MKS1: variants seen among roughly 807,000 people sequenced by gnomAD.
The protein encoded by MKS1 is MKS transition zone complex subunit 1, also known as tectonic-like complex member MKS1.
In MKS1, 70 loss-of-function variants were observed where a neutral mutation model predicts 83.7. The observed-to-expected ratio is 0.84, with a 90% CI of 0.69 to 1.02. MKS1 has a LOEUF of 1.02. Among genes scored for constraint, MKS1 ranks in the 50% least tolerant of loss-of-function variants. The pLI is 0.00. For synonymous variants in MKS1, 251 were observed against 273.4 expected, an observed-to-expected ratio of 0.92 and a Z score of 0.81; for missense variants, 681 against 726.9, an observed-to-expected ratio of 0.94 and a Z score of 0.73.
chr17:58,208,977 TG>T (rs1177413650), intron 11 of MKS1, among the ~76,000 whole-genome samples: 1 of 152,184 alleles, frequency 6.6e-6, no homozygotes. Flanking sequence ...AGCACGGGGT[TG>T]GGGGTAAGGT....
In MKS1 at chr17:58,216,184, G is replaced by C. The variant is rs1168199157; in HGVS notation, c.321C>G (p.Tyr107Ter). Residue 107 changes from tyrosine to a stop codon, truncating the protein, a stop_gained, in exon 4 of 18, where the codon TAC (tyrosine) becomes TAG (stop). Coordinates refer to ENST00000393119, the MANE Select transcript of MKS1 (RefSeq NM_017777.4). LOFTEE classifies it high-confidence loss of function. ...TCTCCAGCTTCAGGATCTCCTGACGGTACTGATAATCCAAAGGACTCTGAC... is the reference window on the plus strand; with the variant it reads ...TCTCCAGCTTCAGGATCTCCTGACGCTACTGATAATCCAAAGGACTCTGAC... ...TACQSPLDYQ[Y>*]RQEILKLENS... is the part of the protein sequence containing the mutation. 10 of 1,613,848 alleles carry C rather than the reference G, an allele frequency of 6.2e-6. No individual in the cohort carries two copies. Among genetic ancestry groups the C allele is most frequent in the Non-Finnish European group, 8.5e-6 (10 of 1,179,876 alleles).
intron 2 of MKS1, 133 bp downstream of exon 2, chr17:58,218,487 A>G (rs1470545847): frequency 9.4e-6 from 5 of 532,128 alleles, no homozygotes; most frequent in Non-Finnish European, 1.4e-5. Flanking sequence ...AAAAGCCACA[A>G]ATAGAATGTA....
At chr17:58,208,483 C>T (rs201645187) in intron 12 of MKS1, 30 bp downstream of exon 12, 3 of 1,610,452 alleles carry the variant, frequency 1.9e-6, no homozygotes, top group Non-Finnish European at 2.5e-6. Flanking sequence ...ATCTCATTCC[C>T]TTCCAGATAC....
chr17:58,208,061 C>T (rs1421076081), intron 13 of MKS1, 44 bp downstream of exon 13: 2 of 1,608,038 alleles, frequency 1.2e-6, no homozygotes, highest in Non-Finnish European at 8.5e-7. Flanking sequence ...GACAGCACTG[C>T]TTGAGGGGAA....
chr17:58,215,615 A>G (rs552243128), intron 4 of MKS1: 1 of 185,554 alleles, frequency 5.4e-6, no homozygotes, highest in East Asian at 1.3e-4. Context: ...AAGAAAATGT[A>G]AAACAAGGTC....
chr17:58,207,037 C>T (rs1217566629), intron 15 of MKS1, 48 bp downstream of exon 15: 16 of 1,613,546 alleles, frequency 9.9e-6, no homozygotes, highest in Non-Finnish European at 1.4e-5. Flanking sequence ...TACAGAAGGA[C>T]AGGACCATAA....
Position 58,214,455 on chromosome 17 carries a change from T to G in MKS1, c.516-68A>C. On this transcript the variant is annotated intron_variant, in intron 5 of 17. Coordinates refer to ENST00000393119, the MANE Select transcript of MKS1 (RefSeq NM_017777.4). ...ATGGAGCACCCCAGTGGAGAGCCACTTCAGAATGGGAAGTTTGAGCTAGTG... is the reference window on the plus strand; with the variant it reads ...ATGGAGCACCCCAGTGGAGAGCCACGTCAGAATGGGAAGTTTGAGCTAGTG... 2.5e-6 allele frequency: 4 copies of G among 1,609,844 alleles called. No individual in the cohort carries two copies. In the South Asian group the frequency reaches 4.4e-5, roughly 18 times the overall value.
chr17:58,206,618 C>A, intron 15 of MKS1, 71 bp from the exon 16 acceptor site: 1 of 1,419,168 alleles, frequency 7.0e-7, no homozygotes, highest in East Asian at 2.3e-5. Context: ...GCTGGCCTCA[C>A]CCCCATTCTT....
intron 10 of MKS1, 29 bp from the exon 11 acceptor site, chr17:58,210,753 G>A (rs1367174477): frequency 6.2e-7 from 1 of 1,609,748 alleles, no homozygotes; most frequent in Non-Finnish European, 8.5e-7. Context: ...AGCTATTTTA[G>A]CTTTTTCTCC....
At chr17:58,208,240 G>T in intron 12 of MKS1, 66 bp from the exon 13 acceptor site, 1 of 1,411,518 alleles carries the variant, frequency 7.1e-7, no homozygotes, top group Non-Finnish European at 1.0e-6. Flanking sequence ...TGTGGCCAAT[G>T]ACAAGGTTAT....
At chr17:58,218,341 G>C (rs1349897111) in intron 2 of MKS1, among the ~76,000 whole-genome samples, 2 of 151,008 alleles carry the variant, frequency 1.3e-5, no homozygotes, top group Admixed American at 6.6e-5. Flanking sequence ...CCAGCTACTC[G>C]GGAGGCTGAG....
rs1284426490 is a variant in MKS1 at position 58,219,239 on chromosome 17, C to A, written c.-9G>T. The A allele has an allele frequency of 6.5e-7, 1 of 1,549,884 alleles. No homozygotes were observed. The highest frequency in any genetic ancestry group is 2.4e-5 in the East Asian group (1 of 40,924). On this transcript the variant is annotated 5_prime_UTR_variant, in exon 1 of 18. Coordinates refer to ENST00000393119, the MANE Select transcript of MKS1 (RefSeq NM_017777.4). ...CAGACGGTCTCCGCCATGACAGCTG[C>A]GACGCGCCGCGACTGCGCCGGAAAG... is the stretch of plus-strand genomic sequence containing the variant.
intron 9 of MKS1, 127 bp from the exon 10 acceptor site, chr17:58,211,149 C>G: frequency 1.2e-6 from 1 of 831,798 alleles, no homozygotes; most frequent in Non-Finnish European, 2.0e-6. Flanking sequence ...CACTACTGCA[C>G]TTTCTCCCCA....
At chr17:58,217,979 C>G (rs1969324791) in intron 2 of MKS1, among the ~76,000 whole-genome samples, 1 of 152,218 alleles carries the variant, frequency 6.6e-6, no homozygotes, top group Non-Finnish European at 1.5e-5. Flanking sequence ...ACAACAACCA[C>G]TCTGTCCTCT....
chr17:58,214,280 G>T lies in MKS1; in HGVS notation c.623C>A (p.Ala208Glu). 1.2e-6 allele frequency: 2 copies of T among 1,614,146 alleles called. No individual in the cohort carries two copies. ...NTPLQTMHIMADLGPYKKLGY... is the reference protein window; with the variant it reads ...NTPLQTMHIMEDLGPYKKLGY... The stretch of plus-strand genomic sequence containing the variant: ...TCACTTTTTATAGGGCCCCAGGTCT[G>T]CCATGATGTGCATTGTCTGAAGAGG... Residue 208 changes from alanine to glutamate, a missense_variant, in exon 6 of 18, where the codon GCA becomes GAA. Physicochemically the swap from Ala to Glu is moderately radical, Grantham distance 107. Around this residue, in one of 3 missense-constraint regions of MKS1, gnomAD observed 365 missense variants for 383.8 expected, o/e 0.95. Coordinates refer to ENST00000393119, the MANE Select transcript of MKS1 (RefSeq NM_017777.4).
chr17:58,215,127 T>C (rs1471698125), intron 4 of MKS1, among the ~76,000 whole-genome samples: 1 of 152,234 alleles, frequency 6.6e-6, no homozygotes, highest in Non-Finnish European at 1.5e-5. Context: ...GTTAGTGTGC[T>C]TGGTAGATGT....
intron 2 of MKS1, 138 bp downstream of exon 2, chr17:58,218,479 AAGC>A: frequency 2.0e-4 from 75 of 376,492 alleles, no homozygotes; most frequent in South Asian, 3.6e-4. Context: ...AAAAAAAAAA[AAGC>A]CACAAATAGA....
At chr17:58,218,109 G>T (rs565834337) in intron 2 of MKS1, among the ~76,000 whole-genome samples, 8 of 152,286 alleles carry the variant, frequency 5.3e-5, no homozygotes, top group African/African-American at 1.9e-4. Context: ...TTTTAAAAGT[G>T]TTTATATGTG....
Position 58,205,789 on chromosome 17 carries a change from G to A in MKS1, c.*290C>T. ...AGTGAGTCAAGGCCAGACTCACTATGGGGTCACCCCAAACAGCTTCAGATC... is the reference window on the plus strand; with the variant it reads ...AGTGAGTCAAGGCCAGACTCACTATAGGGTCACCCCAAACAGCTTCAGATC... On this transcript the variant is annotated 3_prime_UTR_variant, in exon 18 of 18. Coordinates refer to ENST00000393119, the MANE Select transcript of MKS1 (RefSeq NM_017777.4). 7.0e-7 allele frequency: 1 copy of A among 1,438,726 alleles called. No homozygotes were observed. The highest frequency in any genetic ancestry group is 3.1e-5 in the East Asian group (1 of 32,576). 89.1% of individuals were successfully genotyped at this position (1,438,726 alleles called of 1,614,324 possible).
Sources: gnomAD v4.1 joint callset for allele counts (sites outside exome capture counted in the v4.1 genomes callset) on GRCh38, gnomAD v4.1.1 for gene constraint, gnomAD v4.1.1 regional missense constraint, MANE v1.5 for transcripts, NCBI Gene and HGNC (gene_info 2026-07-23, HGNC 2026-07-21) for gene names.